Variants in ZCCHC8 observed in about 807,000 individuals in gnomAD.
ZCCHC8 encodes zinc finger CCHC-type containing 8.
ZCCHC8 carries 27 observed loss-of-function variants against 70.6 expected under a neutral mutation model. That is an observed-to-expected ratio of 0.38 (90% CI 0.28 to 0.53). The LOEUF is 0.53. Among genes scored for constraint, ZCCHC8 ranks in the 20% least tolerant of loss-of-function variants. The pLI, the probability that ZCCHC8 is intolerant of heterozygous loss-of-function variation, is 0.81. For synonymous variants in ZCCHC8, 293 were observed against 317.4 expected, an observed-to-expected ratio of 0.92 and a Z score of 0.82; for missense variants, 737 against 876.9, an observed-to-expected ratio of 0.84 and a Z score of 2.01.
At chr12:122,474,684 G>A (rs532875722) in intron 13 of ZCCHC8, among the ~76,000 whole-genome samples, 6 of 152,000 alleles carry the variant, frequency 3.9e-5, no homozygotes, top group Non-Finnish European at 7.4e-5. Flanking sequence ...AGGCTAATGG[G>A]GAGGAAGTGA....
chr12:122,489,026 C>T (rs1349087918), intron 5 of ZCCHC8, among the ~76,000 whole-genome samples: 1 of 152,198 alleles, frequency 6.6e-6, no homozygotes, highest in Non-Finnish European at 1.5e-5. Flanking sequence ...AGACTGTCAA[C>T]ACTTTAAATT....
chr12:122,497,715 G>A (rs1402763885), intron 2 of ZCCHC8, among the ~76,000 whole-genome samples: 2 of 151,904 alleles, frequency 1.3e-5, no homozygotes, highest in African/African-American at 4.8e-5. Context: ...CTCTGTTAAA[G>A]TTAGGTGCCT....
chr12:122,477,620 T>TA (rs199529321), intron 13 of ZCCHC8, among the ~76,000 whole-genome samples: 66,121 of 138,626 alleles, frequency 0.48, 16,681 homozygotes, highest in Non-Finnish European at 0.56. Flanking sequence ...CTGTCTCTAC[T>TA]AAAAAAAAAA....
rs1014401852 is a variant in ZCCHC8, at chr12:122,491,490, T to C, written c.318-923A>G. On this transcript the variant is annotated intron_variant, in intron 3 of 13. Coordinates refer to ENST00000633063, the MANE Select transcript of ZCCHC8 (RefSeq NM_017612.5). The stretch of plus-strand genomic sequence containing the variant: ...GTTGTAGTGAGCCAAGATCTTGCCA[T>C]TGGACTCCAGCCTGGGCAAAAAGAG... Among the ~76,000 whole-genome samples the C allele has an allele frequency of 4.7e-5, 7 of 149,256 alleles. No individual in the cohort carries two copies. The East Asian group carries it at 5.9e-4, about 12-fold the overall frequency.
chr12:122,486,412 CAAAAAAAA>C (rs762392385), intron 5 of ZCCHC8, among the ~76,000 whole-genome samples: 2,081 of 50,896 alleles, frequency 0.041, 52 homozygotes, highest in African/African-American at 0.089. Context: ...GAGGCTGTCT[CAAAAAAAA>C]AAAAAAAAAA....
In ZCCHC8 at chr12:122,495,741, G is replaced by A. The variant is rs144546861; in HGVS notation, c.243-2952C>T. On this transcript the variant is annotated intron_variant, in intron 2 of 13. Coordinates refer to ENST00000633063, the MANE Select transcript of ZCCHC8 (RefSeq NM_017612.5). Reference sequence around the variant, plus strand: ...TGTGCACCTGTAATCCCAGCTGCTCGGGAGGCTGAGGCAGGAGAATCACTT... The same window carrying A: ...TGTGCACCTGTAATCCCAGCTGCTCAGGAGGCTGAGGCAGGAGAATCACTT... Among the ~76,000 whole-genome samples, 355 of 151,438 alleles carry A rather than the reference G, an allele frequency of 2.3e-3. 1 individual carries two copies. Among genetic ancestry groups the A allele is most frequent in the Non-Finnish European group, 3.9e-3 (267 of 67,862 alleles).
rs544566614 is a variant in ZCCHC8, at chr12:122,499,171, A to G, written c.200-302T>C. On this transcript the variant is annotated intron_variant, in intron 1 of 13. Coordinates refer to ENST00000633063, the MANE Select transcript of ZCCHC8 (RefSeq NM_017612.5). ...ATCAGTGTTCCTGTCAAACCTTTCA[A>G]CAACCACTATGTGATAAAGAGAATG... 2.4e-4 allele frequency: 103 copies of G among 431,778 alleles called. No individual in the cohort carries two copies. The South Asian group carries it at 2.5e-3, about 10-fold the overall frequency. 26.7% of individuals were successfully genotyped at this position (431,778 alleles called of 1,614,324 possible).
chr12:122,476,180 G>A (rs537590545), intron 13 of ZCCHC8, among the ~76,000 whole-genome samples: 1 of 152,350 alleles, frequency 6.6e-6, no homozygotes, highest in South Asian at 2.1e-4. Context: ...CAATCCCGAG[G>A]TGACAGAGAG....
At chr12:122,494,092 C>CA (rs1466999831) in intron 2 of ZCCHC8, among the ~76,000 whole-genome samples, 3 of 152,038 alleles carry the variant, frequency 2.0e-5, no homozygotes, top group Non-Finnish European at 4.4e-5. Context: ...TCAAATACCG[C>CA]AAAAAACAGA....
intron 3 of ZCCHC8, 62 bp from the exon 4 acceptor site, chr12:122,490,629 C>A: frequency 1.0e-6 from 1 of 963,522 alleles, no homozygotes; most frequent in South Asian, 1.7e-5. Context: ...AGACTGAAGT[C>A]TTATGCATTA....
intron 13 of ZCCHC8, among the ~76,000 whole-genome samples, 153 bp from the exon 14 acceptor site, chr12:122,474,428 C>A (rs1853443358): frequency 6.6e-6 from 1 of 152,182 alleles, no homozygotes; most frequent in African/African-American, 2.4e-5. Context: ...GGTGCCATTA[C>A]CACCACCTGG....
Position 122,495,847 on chromosome 12 carries a change from CAAAAAAAAAAAAAAAAAAAAA to C in ZCCHC8, c.242+2959_242+2979del, listed in dbSNP as rs538311699. On this transcript the variant is annotated intron_variant, in intron 2 of 13. Transcript: ENST00000633063. ...TGGGCGATAGAGTGACACTCTGTCT[CAAAAAAAAAAAAAAAAAAAAA>C]AAAAAAAAAAAAAAAAAAAGGAGAA... Among the ~76,000 whole-genome samples, 24 of 78,318 alleles carry C rather than the reference CAAAAAAAAAAAAAAAAAAAAA, an allele frequency of 3.1e-4. 1 individual carries two copies. The highest frequency in any genetic ancestry group is 2.1e-3 in the South Asian group (5 of 2,352). 51.4% of individuals were successfully genotyped at this position (78,318 alleles called of 152,430 possible). A position where few individuals can be genotyped will look rare whatever the true frequency, so the allele number is the denominator to read the frequency against.
intron 5 of ZCCHC8, among the ~76,000 whole-genome samples, chr12:122,487,330 T>A (rs1215712753): frequency 1.3e-5 from 2 of 152,214 alleles, no homozygotes; most frequent in African/African-American, 4.8e-5. Flanking sequence ...TATTTTCGTA[T>A]TTTTTAAAGG....
intron 13 of ZCCHC8, among the ~76,000 whole-genome samples, chr12:122,476,156 T>C (rs1957412966): frequency 6.6e-6 from 1 of 152,268 alleles, no homozygotes; most frequent in African/African-American, 2.4e-5. Context: ...ATGAAAATGA[T>C]GTTTACACAT....
chr12:122,499,165 C>T (rs1206319402), intron 1 of ZCCHC8: 1 of 436,832 alleles, frequency 2.3e-6, no homozygotes, highest in Non-Finnish European at 4.1e-6. Flanking sequence ...CCTGTCAAAC[C>T]TTTCAACAAC....
At chr12:122,490,852 A>G (rs956081415) in intron 3 of ZCCHC8, 7 of 222,208 alleles carry the variant, frequency 3.2e-5, no homozygotes, top group East Asian at 1.9e-4. Context: ...CTGTGTACTT[A>G]ATTTTTAAAT....
chr12:122,490,128 G>C lies in ZCCHC8; in HGVS notation c.423+334C>G, dbSNP rs895927403. The stretch of plus-strand genomic sequence containing the variant: ...ACAATTAATTTTCTAAAAACAAGTA[G>C]AGGGAAAAAAGGATAGTCCACAAGC... On this transcript the variant is annotated intron_variant, in intron 4 of 13. Coordinates refer to ENST00000633063, the MANE Select transcript of ZCCHC8 (RefSeq NM_017612.5). 3.1e-4 allele frequency among the ~76,000 whole-genome samples: 47 copies of C among 152,100 alleles called. 1 individual carries two copies. The highest frequency in any genetic ancestry group is 3.4e-3 in the Middle Eastern group (1 of 294).
chr12:122,494,779 G>A (rs969700749), intron 2 of ZCCHC8, among the ~76,000 whole-genome samples: 2 of 151,858 alleles, frequency 1.3e-5, no homozygotes. Context: ...TGCTTGAACA[G>A]GGGAGGCGGA....
Position 122,500,513 on chromosome 12 carries a change from C to T in ZCCHC8, c.199+129G>A. The stretch of plus-strand genomic sequence containing the variant: ...GTCCGCCGGCGGGTGACAGAAAGCA[C>T]TTGGAATTCTGGCCCTCCTGGAACT... On this transcript the variant is annotated intron_variant, in intron 1 of 13. Transcript: ENST00000633063. The surrounding 1 kb of genome is among the most constrained non-coding windows in gnomAD (Gnocchi z 4.8). The T allele has an allele frequency of 8.3e-7, 1 of 1,201,902 alleles. No homozygotes were observed. The highest frequency in any genetic ancestry group is 1.1e-6 in the Non-Finnish European group (1 of 887,244). The allele number at this position is 1,201,902 out of a possible 1,614,324, so 74.5% of individuals were successfully genotyped here.
Sources: allele counts gnomAD v4.1 joint callset (sites outside exome capture counted in the v4.1 genomes callset), GRCh38; gene constraint gnomAD v4.1.1; non-coding constraint Gnocchi (gnomAD v3.1); transcripts MANE v1.5; gene names NCBI Gene and HGNC (gene_info 2026-07-23, HGNC 2026-07-21).